Variants in OSBPL6 observed in about 807,000 individuals in gnomAD.
OSBPL6 encodes the protein oxysterol binding protein like 6, also known as oxysterol-binding protein-related protein 6.
Under a neutral mutation model 125.8 loss-of-function variants are expected in OSBPL6, and 49 were observed. The ratio of observed to expected loss-of-function variants is 0.39; its 90% CI spans 0.31 to 0.49. The LOEUF (loss-of-function observed/expected upper bound fraction) is 0.49. Among genes scored for constraint, OSBPL6 ranks in the 20% least tolerant of loss-of-function variants. OSBPL6 has a pLI of 0.88. For missense variants in OSBPL6, 986 were observed against 1,135.4 expected, an observed-to-expected ratio of 0.87 and a Z score of 1.89; for synonymous variants, 394 against 391.8, an observed-to-expected ratio of 1.01 and a Z score of -0.07.
chr2:178,265,873 A>C (rs183458257), intron 1 of OSBPL6, among the ~76,000 whole-genome samples: 66 of 152,254 alleles, frequency 4.3e-4, no homozygotes, highest in Non-Finnish European at 7.5e-4. Flanking sequence ...AAACTTGCAG[A>C]CTAGTGGGTA....
At chr2:178,307,629 A>G (rs1390193013) in intron 3 of OSBPL6, among the ~76,000 whole-genome samples, 1 of 146,416 alleles carries the variant, frequency 6.8e-6, no homozygotes, top group Non-Finnish European at 1.5e-5. Context: ...TAACTACTAT[A>G]TTCTGAGATG....
At chr2:178,246,447 A>C (rs2091494168) in intron 1 of OSBPL6, among the ~76,000 whole-genome samples, 1 of 152,062 alleles carries the variant, frequency 6.6e-6, no homozygotes, top group African/African-American at 2.4e-5. Flanking sequence ...TTCAGCATTG[A>C]AGTTGCTTTA....
intron 5 of OSBPL6, among the ~76,000 whole-genome samples, chr2:178,328,617 A>G (rs1237182888): frequency 6.6e-6 from 1 of 152,128 alleles, no homozygotes; most frequent in Non-Finnish European, 1.5e-5. Context: ...CCTCCTGAGT[A>G]GCTAGGACTA....
At chr2:178,222,505 A>G (rs968981575) in intron 1 of OSBPL6, among the ~76,000 whole-genome samples, 1 of 151,984 alleles carries the variant, frequency 6.6e-6, no homozygotes, top group Non-Finnish European at 1.5e-5. Context: ...TAGCTGGGTG[A>G]GGTGGCGCAT....
At chr2:178,316,079 T>C (rs887495347) in intron 3 of OSBPL6, among the ~76,000 whole-genome samples, 1 of 152,156 alleles carries the variant, frequency 6.6e-6, no homozygotes, top group Non-Finnish European at 1.5e-5. Flanking sequence ...GCACATACTG[T>C]ATGTTTTATA....
At chr2:178,262,346 TTG>T (rs1473006923) in intron 1 of OSBPL6, among the ~76,000 whole-genome samples, 1 of 152,146 alleles carries the variant, frequency 6.6e-6, no homozygotes, top group Non-Finnish European at 1.5e-5. Context: ...TGTGAAATAA[TTG>T]TTTGAGTATT....
chr2:178,320,413 C>G (rs751751139), intron 3 of OSBPL6: 1 of 1,612,298 alleles, frequency 6.2e-7, no homozygotes, highest in Non-Finnish European at 8.5e-7. Flanking sequence ...GTAAGTACTT[C>G]CACCTTCTCT....
At chr2:178,304,832 A>G (rs1376854276) in intron 2 of OSBPL6, among the ~76,000 whole-genome samples, 1 of 152,102 alleles carries the variant, frequency 6.6e-6, no homozygotes, top group African/African-American at 2.4e-5. Context: ...GCTACCACTC[A>G]TCTGTTGATC....
intron 3 of OSBPL6, among the ~76,000 whole-genome samples, chr2:178,319,794 G>C (rs1441304535): frequency 6.6e-6 from 1 of 152,230 alleles, no homozygotes; most frequent in Non-Finnish European, 1.5e-5. Flanking sequence ...ATACATGCGA[G>C]ATAGCTGAAA....
chr2:178,206,895 G>A (rs1167818097), intron 1 of OSBPL6, among the ~76,000 whole-genome samples: 1 of 151,970 alleles, frequency 6.6e-6, no homozygotes, highest in Non-Finnish European at 1.5e-5. Context: ...GATTACAGAT[G>A]TGAGCCACCA....
chr2:178,313,040 C>T (rs780737925), intron 3 of OSBPL6, among the ~76,000 whole-genome samples: 11 of 151,978 alleles, frequency 7.2e-5, no homozygotes, highest in African/African-American at 2.4e-4. Context: ...GGATTACAGG[C>T]GCCCAACACC....
intron 1 of OSBPL6, among the ~76,000 whole-genome samples, chr2:178,215,264 A>G (rs569207354): frequency 1.3e-5 from 2 of 152,300 alleles, no homozygotes; most frequent in African/African-American, 4.8e-5. Context: ...ATGCCAAATA[A>G]CCTCATTCCT....
chr2:178,261,182 C>A (rs962509328), intron 1 of OSBPL6, among the ~76,000 whole-genome samples: 105 of 151,188 alleles, frequency 6.9e-4, no homozygotes, highest in Non-Finnish European at 1.2e-3. Context: ...AACAAAAAAA[C>A]CCCTGATGCT....
At chr2:178,273,656 T>G (rs187223684) in intron 1 of OSBPL6, among the ~76,000 whole-genome samples, 124 of 152,300 alleles carry the variant, frequency 8.1e-4, no homozygotes, top group African/African-American at 2.1e-3. Context: ...AACAGTAAAG[T>G]GATCCTTTTG....
chr2:178,384,247 C>T lies in OSBPL6; in HGVS notation c.2013+71C>T, dbSNP rs142114997. 4.3e-4 allele frequency: 657 copies of T among 1,538,536 alleles called. 3 individuals are homozygous for T. In the African/African-American group the frequency reaches 7.9e-3, roughly 18 times the overall value. On this transcript the variant is annotated intron_variant, in intron 18 of 24. Transcript: ENST00000190611. ...CAGTTCGGTGATGAAAGCACCATTTCGATAACAATCTGTTGGGATGGGTTA... is the reference window on the plus strand; with the variant it reads ...CAGTTCGGTGATGAAAGCACCATTTTGATAACAATCTGTTGGGATGGGTTA...
intron 6 of OSBPL6, among the ~76,000 whole-genome samples, chr2:178,331,991 A>C (rs1689239038): frequency 6.6e-6 from 1 of 152,192 alleles, no homozygotes; most frequent in Non-Finnish European, 1.5e-5. Flanking sequence ...TCTACGTCAT[A>C]CATCTTTTTA....
intron 1 of OSBPL6, among the ~76,000 whole-genome samples, chr2:178,195,279 C>G (rs1178647292): frequency 6.6e-6 from 1 of 152,204 alleles, no homozygotes; most frequent in Non-Finnish European, 1.5e-5. Context: ...CCCCTGCAGC[C>G]CTCCCGGCAG....
intron 1 of OSBPL6, among the ~76,000 whole-genome samples, chr2:178,247,892 T>G (rs2091550950): frequency 6.6e-6 from 1 of 152,224 alleles, no homozygotes. Flanking sequence ...AATTAGTGTT[T>G]ATTTCTCTAC....
intron 11 of OSBPL6, among the ~76,000 whole-genome samples, 160 bp downstream of exon 11, chr2:178,339,924 A>G (rs1174610576): frequency 6.6e-6 from 1 of 152,144 alleles, no homozygotes; most frequent in African/African-American, 2.4e-5. Flanking sequence ...GAAAATCTCT[A>G]TATTTTTCTT....
Sources: gnomAD v4.1 joint callset for allele counts (sites outside exome capture counted in the v4.1 genomes callset) on GRCh38, gnomAD v4.1.1 for gene constraint, MANE v1.5 for transcripts, NCBI Gene and HGNC (gene_info 2026-07-23, HGNC 2026-07-21) for gene names.